Variants in DYNC1I1 observed in about 807,000 individuals in gnomAD.
The protein encoded by DYNC1I1 is cytoplasmic dynein 1 intermediate chain 1.
In DYNC1I1, 43 loss-of-function variants were observed where a neutral mutation model predicts 86.6. That is an observed-to-expected ratio of 0.50 (90% CI 0.39 to 0.64). The LOEUF is 0.64. Among genes scored for constraint, DYNC1I1 ranks in the 30% least tolerant of loss-of-function variants. The pLI is 0.00. For synonymous variants in DYNC1I1, 262 were observed against 283.7 expected (o/e 0.92, Z 0.77); for missense variants, 604 against 788.8 (o/e 0.77, Z 2.81).
chr7:95,879,445 C>T (rs114560529), intron 6 of DYNC1I1, among the ~76,000 whole-genome samples: 1,863 of 151,848 alleles, frequency 0.012, 42 homozygotes, highest in African/African-American at 0.042. Flanking sequence ...GAAAAAGAGT[C>T]TTATATTTTG....
chr7:95,805,547 G>A (rs1394270330), intron 2 of DYNC1I1, among the ~76,000 whole-genome samples: 1 of 152,152 alleles, frequency 6.6e-6, no homozygotes, highest in Non-Finnish European at 1.5e-5. Flanking sequence ...GAGGTGAAAT[G>A]TAGCTTTTCT....
At chr7:95,840,811 G>C (rs1789260954) in intron 5 of DYNC1I1, among the ~76,000 whole-genome samples, 1 of 152,148 alleles carries the variant, frequency 6.6e-6, no homozygotes, top group Non-Finnish European at 1.5e-5. Flanking sequence ...TAAACCCTAA[G>C]AGAGTCCTAA....
downstream of DYNC1I1, among the ~76,000 whole-genome samples, chr7:96,100,539 C>T (rs971225410): frequency 1.3e-5 from 2 of 152,060 alleles, no homozygotes; most frequent in African/African-American, 4.8e-5. Context: ...CAAAAATTAG[C>T]ATGTACCATT....
intron 10 of DYNC1I1, among the ~76,000 whole-genome samples, chr7:96,013,448 TTTTTG>T (rs369715636): frequency 7.2e-4 from 110 of 152,118 alleles, no homozygotes; most frequent in Non-Finnish European, 1.1e-3. Context: ...TCATAATTTG[TTTTTG>T]TTTTGTTTTG....
intron 10 of DYNC1I1, among the ~76,000 whole-genome samples, chr7:96,024,082 G>A (rs556031397): frequency 3.9e-5 from 6 of 152,198 alleles, no homozygotes; most frequent in South Asian, 2.1e-4. Context: ...TGAGCTCATC[G>A]TATTTCTGAG....
chr7:96,048,812 A>G (rs138337478), intron 14 of DYNC1I1, among the ~76,000 whole-genome samples: 165 of 152,312 alleles, frequency 1.1e-3, no homozygotes, highest in Middle Eastern at 3.4e-3. Flanking sequence ...AGAGGTTTGT[A>G]CGGTGAATGT....
intron 16 of DYNC1I1, among the ~76,000 whole-genome samples, chr7:96,088,497 G>A (rs1456828308): frequency 6.6e-6 from 1 of 152,068 alleles, no homozygotes; most frequent in African/African-American, 2.4e-5. Context: ...TAATTATAGT[G>A]TTAATTTTTT....
intron 6 of DYNC1I1, among the ~76,000 whole-genome samples, chr7:95,876,816 A>T (rs1235578661): frequency 6.6e-6 from 1 of 152,198 alleles, no homozygotes; most frequent in Non-Finnish European, 1.5e-5. Flanking sequence ...CAAGAGATAG[A>T]GCACATGGGG....
chr7:96,014,793 A>C (rs937174607), intron 10 of DYNC1I1, among the ~76,000 whole-genome samples: 1 of 152,164 alleles, frequency 6.6e-6, no homozygotes, highest in Non-Finnish European at 1.5e-5. Flanking sequence ...ATAATTTATC[A>C]CACTGATATT....
At chr7:96,025,842 G>A (rs919855416) in intron 10 of DYNC1I1, among the ~76,000 whole-genome samples, 1 of 89,258 alleles carries the variant, frequency 1.1e-5, no homozygotes, top group East Asian at 3.8e-4. Context: ...CAAGCTTGCG[G>A]GGGGGGGATA....
intron 3 of DYNC1I1, among the ~76,000 whole-genome samples, chr7:95,811,856 G>A (rs1395074039): frequency 1.3e-5 from 2 of 152,068 alleles, no homozygotes; most frequent in African/African-American, 4.8e-5. Context: ...CCTCAAAATA[G>A]CCTTTGAAAT....
At chr7:95,951,602 A>G (rs1304212580) in intron 6 of DYNC1I1, among the ~76,000 whole-genome samples, 1 of 152,224 alleles carries the variant, frequency 6.6e-6, no homozygotes, top group Non-Finnish European at 1.5e-5. Flanking sequence ...TATCTTTTCT[A>G]TGGCACTATC....
chr7:95,884,286 A>G (rs1790534366), intron 6 of DYNC1I1, among the ~76,000 whole-genome samples: 1 of 152,218 alleles, frequency 6.6e-6, no homozygotes, highest in African/African-American at 2.4e-5. Context: ...CAAATGAGGA[A>G]GAATTTCCAG....
intron 6 of DYNC1I1, among the ~76,000 whole-genome samples, chr7:95,931,741 C>G (rs1322028077): frequency 6.6e-6 from 1 of 152,194 alleles, no homozygotes. Flanking sequence ...ATACAGACCA[C>G]ATGGCCCCCA....
intron 14 of DYNC1I1, among the ~76,000 whole-genome samples, chr7:96,049,519 T>G (rs1789331547): frequency 6.6e-6 from 1 of 152,056 alleles, no homozygotes; most frequent in Admixed American, 6.6e-5. Flanking sequence ...TTAAACTTAT[T>G]GGGTAACTTG....
chr7:95,939,743 C>G (rs538164468), intron 6 of DYNC1I1, among the ~76,000 whole-genome samples: 1 of 152,062 alleles, frequency 6.6e-6, no homozygotes, highest in South Asian at 2.1e-4. Flanking sequence ...GGTCTTGACT[C>G]TTTATCCAAT....
intron 14 of DYNC1I1, among the ~76,000 whole-genome samples, chr7:96,056,863 T>C (rs1255813723): frequency 6.6e-6 from 1 of 152,160 alleles, no homozygotes; most frequent in Non-Finnish European, 1.5e-5. Flanking sequence ...GTGAAGTTTA[T>C]CAGAGTGACC....
At chr7:95,814,793 A>G (rs1458091612) in intron 4 of DYNC1I1, among the ~76,000 whole-genome samples, 1 of 152,168 alleles carries the variant, frequency 6.6e-6, no homozygotes, top group Non-Finnish European at 1.5e-5. Flanking sequence ...CAATTAAAAA[A>G]AAAGTAGAGG....
Position 95,845,596 on chromosome 7 carries a change from T to C in DYNC1I1, c.374+17480T>C, listed in dbSNP as rs576100201. Among the ~76,000 whole-genome samples the C allele has an allele frequency of 1.1e-3, 172 of 152,310 alleles. 2 individuals carry two copies. Among genetic ancestry groups the C allele is most frequent in the Non-Finnish European group, 2.8e-4 (19 of 68,026 alleles). Reference sequence around the variant, plus strand: ...ATGCCAGTTGAATTCTTTGAGCAAGTTGACAACCTCTGCCTCTTCAGTAAC... The same window carrying C: ...ATGCCAGTTGAATTCTTTGAGCAAGCTGACAACCTCTGCCTCTTCAGTAAC... On this transcript the variant is annotated intron_variant, in intron 5 of 16. Transcript: ENST00000447467.
Sources: allele counts gnomAD v4.1 joint callset (sites outside exome capture counted in the v4.1 genomes callset), GRCh38; gene constraint gnomAD v4.1.1; transcripts MANE v1.5; gene names NCBI Gene and HGNC (gene_info 2026-07-23, HGNC 2026-07-21).